The following RALGDS variants were observed in gnomAD, a reference collection of about 807,000 sequenced individuals.
RALGDS encodes the protein ral guanine nucleotide dissociation stimulator, also known as ral guanine nucleotide exchange factor.
RALGDS carries 44 observed loss-of-function variants against 99.8 expected under a neutral mutation model. That is an observed-to-expected ratio of 0.44 (90% CI 0.35 to 0.57). RALGDS has a LOEUF of 0.57. Ranked by LOEUF, RALGDS falls within the 20% of genes least tolerant of loss-of-function variation. RALGDS has a pLI of 0.01. For synonymous variants in RALGDS, 529 were observed against 505.0 expected (o/e 1.05, Z -0.64); for missense variants, 1,022 against 1,203.1 (o/e 0.85, Z 2.23).
chr9:133,102,763 G>A lies in RALGDS; in HGVS notation c.1913+16C>T. On this transcript the variant is annotated intron_variant, in intron 13 of 17. Transcript: ENST00000372050. ...CAGCCTGCCCCCACTGTCCCCATTT[G>A]CTGCCCCGGCCTCACCTCTCAGTCT... 1.2e-6 allele frequency: 2 copies of A among 1,609,402 alleles called. No individual in the cohort carries two copies. Among genetic ancestry groups the A allele is most frequent in the Non-Finnish European group, 1.7e-6 (2 of 1,179,264 alleles).
intron 1 of RALGDS, among the ~76,000 whole-genome samples, chr9:133,137,438 TG>T (rs1231021270): frequency 6.6e-6 from 1 of 152,018 alleles, no homozygotes; most frequent in Non-Finnish European, 1.5e-5. Context: ...GAGGTTCTTG[TG>T]GGAAGATCAC....
intron 1 of RALGDS, among the ~76,000 whole-genome samples, chr9:133,113,725 G>C (rs537594756): frequency 6.6e-6 from 1 of 152,244 alleles, no homozygotes; most frequent in East Asian, 1.9e-4. Context: ...CCAACCACCC[G>C]GGCCTCCTCA....
chr9:133,100,710 G>A lies in RALGDS; in HGVS notation c.2455-328C>T, dbSNP rs113135910. On this transcript the variant is annotated intron_variant, in intron 16 of 17. Transcript: ENST00000372050. Reference sequence around the variant, plus strand: ...GCCCCTCCAGGATAACAGCATCACTGAGCCTGGGGAACAGACAGTCCCTAG... The same window carrying A: ...GCCCCTCCAGGATAACAGCATCACTAAGCCTGGGGAACAGACAGTCCCTAG... The A allele has an allele frequency of 2.3e-5, 28 of 1,226,270 alleles. 1 individual carries two copies. The highest frequency in any genetic ancestry group is 2.2e-4 in the African/African-American group (14 of 64,456). 76.0% of individuals were successfully genotyped at this position (1,226,270 alleles called of 1,614,324 possible).
intron 13 of RALGDS, 34 bp downstream of exon 13, chr9:133,102,745 C>A (rs758994922): frequency 1.2e-6 from 2 of 1,605,900 alleles, no homozygotes; most frequent in Non-Finnish European, 8.5e-7. Context: ...GGACAGCCTG[C>A]CCCCACTGTC....
chr9:133,106,838 A>C, intron 7 of RALGDS, 90 bp from the exon 8 acceptor site: 1 of 1,072,460 alleles, frequency 9.3e-7, no homozygotes, highest in Non-Finnish European at 1.4e-6. Flanking sequence ...TCCCCTCCTA[A>C]TGAGACAGAC....
intron 10 of RALGDS, 42 bp downstream of exon 10, chr9:133,104,221 C>T (rs1307979185): frequency 6.4e-6 from 10 of 1,573,454 alleles, no homozygotes; most frequent in African/African-American, 4.1e-5. Context: ...TCCCTACCCC[C>T]AGGCCAGCCC....
At position 133,103,736 on chromosome 9, in the gene RALGDS, G is replaced by C. The variant is rs544033790; in HGVS notation, c.1758+11C>G. On this transcript the variant is annotated intron_variant, in intron 11 of 17. Transcript: ENST00000372050. ...CCCGGGCCCTACTCCAGCCCCGCCC[G>C]GCACACTCACATACAGATAGTCCTT... 8.1e-6 allele frequency: 13 copies of C among 1,612,580 alleles called. No individual in the cohort carries two copies. In the African/African-American group the frequency reaches 1.7e-4, roughly 22 times the overall value.
intron 1 of RALGDS, among the ~76,000 whole-genome samples, chr9:133,115,747 T>C (rs1444296803): frequency 6.6e-6 from 1 of 152,204 alleles, no homozygotes; most frequent in Non-Finnish European, 1.5e-5. Flanking sequence ...CGACGGATGC[T>C]GGGCTGTAAA....
Position 133,121,023 on chromosome 9 carries a change from CG to C in RALGDS, c.131del (p.Pro44ArgfsTer10). On this transcript the variant is annotated frameshift_variant, in exon 1 of 18. Coordinates refer to ENST00000372050, the MANE Select transcript of RALGDS (RefSeq NM_006266.4). LOFTEE classifies it high-confidence loss of function. ...RLEVGVPDSCPVVLHSFTQLD... is the reference protein window; with the variant it reads ...RLEVGVPDSCXVVLHSFTQLD... ...GCTGCGTGAAGCTGTGCAGCACCAC[CG>C]GGCAGCTGTCGGGGACGCCCACCTC... 6.7e-7 allele frequency: 1 copy of C among 1,496,674 alleles called. No individual in the cohort carries two copies. The highest frequency in any genetic ancestry group is 8.9e-7 in the Non-Finnish European group (1 of 1,129,528). 92.7% of individuals were successfully genotyped at this position (1,496,674 alleles called of 1,614,324 possible).
At chr9:133,100,779 C>T in intron 16 of RALGDS, 4 of 1,153,992 alleles carry the variant, frequency 3.5e-6, no homozygotes, top group Non-Finnish European at 4.3e-6. Flanking sequence ...CCAGGATGCT[C>T]AGTGTGGTCA....
At chr9:133,112,343 G>T (rs1032960574) in intron 1 of RALGDS, among the ~76,000 whole-genome samples, 191 bp from the exon 2 acceptor site, 3 of 152,002 alleles carry the variant, frequency 2.0e-5, no homozygotes, top group Non-Finnish European at 2.9e-5. Flanking sequence ...TCCCCAACCC[G>T]GCCAGCCACG....
upstream of RALGDS, among the ~76,000 whole-genome samples, chr9:133,135,626 G>C (rs1298352190): frequency 6.6e-6 from 1 of 152,208 alleles, no homozygotes; most frequent in Non-Finnish European, 1.5e-5. Context: ...GGGGCCTACA[G>C]TGTCAGGAGT....
At chr9:133,132,623 G>A (rs984574321), upstream of RALGDS, among the ~76,000 whole-genome samples, 9 of 152,150 alleles carry the variant, frequency 5.9e-5, no homozygotes, top group Middle Eastern at 3.4e-3. Flanking sequence ...CTGGAAAGAA[G>A]CGCTCAACTT....
intron 1 of RALGDS, among the ~76,000 whole-genome samples, chr9:133,115,427 G>A (rs942871689): frequency 6.6e-6 from 1 of 152,202 alleles, no homozygotes; most frequent in African/African-American, 2.4e-5. Flanking sequence ...GCGTGAGATT[G>A]TCCTGGGGGA....
At chr9:133,127,513 G>A (rs1000780491) in intron 1 of RALGDS, among the ~76,000 whole-genome samples, 1 of 152,196 alleles carries the variant, frequency 6.6e-6, no homozygotes, top group Admixed American at 6.5e-5. Flanking sequence ...GCCTGGACAC[G>A]CTCCTTGGTC....
chr9:133,111,160 T>C (rs1831319851), intron 2 of RALGDS, among the ~76,000 whole-genome samples: 1 of 152,230 alleles, frequency 6.6e-6, no homozygotes, highest in African/African-American at 2.4e-5. Flanking sequence ...TGAGTAATGG[T>C]AGCTGCCCTG....
At chr9:133,103,857 G>A in intron 10 of RALGDS, 24 bp from the exon 11 acceptor site, 1 of 1,602,912 alleles carries the variant, frequency 6.2e-7, no homozygotes, top group Non-Finnish European at 8.5e-7. Context: ...GTAGGAGGAT[G>A]AGCAAGGCCC....
Position 133,144,312 on chromosome 9 carries a change from C to A in RALGDS, c.18+4651G>T, listed in dbSNP as rs751475253. ...GCAGGTCCCCTATCCCTCCTCCCTGCCTTCCTTTCCGCCCCGCTGACACCA... is the reference window on the plus strand; with the variant it reads ...GCAGGTCCCCTATCCCTCCTCCCTGACTTCCTTTCCGCCCCGCTGACACCA... On this transcript the variant is annotated intron_variant, in intron 1 of 17. Coordinates refer to the RALGDS transcript ENST00000393160. The surrounding 1 kb of genome is among the most constrained non-coding windows in gnomAD (Gnocchi z 4.5). Among the ~76,000 whole-genome samples the A allele has an allele frequency of 2.0e-5, 3 of 152,148 alleles. No homozygotes were observed. The highest frequency in any genetic ancestry group is 4.4e-5 in the Non-Finnish European group (3 of 68,012).
At chr9:133,103,684 C>A in intron 11 of RALGDS, 63 bp downstream of exon 11, 1 of 1,531,592 alleles carries the variant, frequency 6.5e-7, no homozygotes, top group Non-Finnish European at 9.0e-7. Flanking sequence ...GCAGCCCAGC[C>A]CCCAGGGCTC....
Sources: allele counts gnomAD v4.1 joint callset (sites outside exome capture counted in the v4.1 genomes callset), GRCh38; gene constraint gnomAD v4.1.1; non-coding constraint Gnocchi (gnomAD v3.1); transcripts MANE v1.5; gene names NCBI Gene and HGNC (gene_info 2026-07-23, HGNC 2026-07-21).